Variants in TANGO2 observed in about 807,000 individuals in gnomAD.
TANGO2 encodes the protein transport and Golgi organization protein 2 homolog.
In TANGO2, 26 loss-of-function variants were observed where a neutral mutation model predicts 39.1. The observed-to-expected ratio is 0.67, with a 90% CI of 0.49 to 0.92. The LOEUF (loss-of-function observed/expected upper bound fraction) is 0.92. Ranked by LOEUF, TANGO2 falls within the 40% of genes least tolerant of loss-of-function variation. The pLI is 0.00. For missense variants in TANGO2, 326 were observed against 360.1 expected (o/e 0.91, Z 0.77); for synonymous variants, 131 against 144.5 (o/e 0.91, Z 0.67).
intron 3 of TANGO2, among the ~76,000 whole-genome samples, chr22:20,047,296 C>T (rs148446823): frequency 0.056 from 8,352 of 149,998 alleles, 351 homozygotes; most frequent in African/African-American, 0.095. Flanking sequence ...TGCAATGGCA[C>T]GATCTCGGCT....
intron 2 of TANGO2, among the ~76,000 whole-genome samples, chr22:20,039,218 G>GCCAC (rs1457539993): frequency 6.6e-6 from 1 of 151,286 alleles, no homozygotes; most frequent in Non-Finnish European, 1.5e-5. Flanking sequence ...ACATGCGTGA[G>GCCAC]CCACCATGCC....
intron 1 of TANGO2, among the ~76,000 whole-genome samples, chr22:20,025,237 C>T (rs945133620): frequency 1.1e-4 from 17 of 150,882 alleles, no homozygotes; most frequent in African/African-American, 3.7e-4. Context: ...GGATTACAGG[C>T]GTGCATCACC....
chr22:20,063,521 T>C, intron 8 of TANGO2, 79 bp downstream of exon 8: 1 of 1,282,002 alleles, frequency 7.8e-7, no homozygotes, highest in Non-Finnish European at 1.1e-6. Flanking sequence ...AGAAGCCAAG[T>C]GCCCATAGCC....
intron 7 of TANGO2, 156 bp downstream of exon 7, chr22:20,061,839 C>A: frequency 1.0e-6 from 1 of 970,596 alleles, no homozygotes; most frequent in Middle Eastern, 3.3e-4. Flanking sequence ...CCTGCCTGTC[C>A]CCTTGAGCCA....
chr22:20,059,837 T>C (rs766936159), intron 6 of TANGO2, among the ~76,000 whole-genome samples: 3 of 152,234 alleles, frequency 2.0e-5, no homozygotes, highest in Non-Finnish European at 2.9e-5. Context: ...CTCATGCTTT[T>C]GGTTTCTTAT....
upstream of TANGO2, among the ~76,000 whole-genome samples, chr22:20,018,334 C>T (rs563103854): frequency 1.3e-5 from 2 of 152,348 alleles, no homozygotes; most frequent in Admixed American, 1.3e-4. Flanking sequence ...AACCAGGTAG[C>T]TGTCATCCTG....
At chr22:20,060,060 A>T in intron 6 of TANGO2, among the ~76,000 whole-genome samples, 1 of 151,570 alleles carries the variant, frequency 6.6e-6, no homozygotes, top group East Asian at 1.9e-4. Context: ...GGCTTAAGAG[A>T]TCCTCCCAGC....
At chr22:20,058,635 G>T (rs574505302) in intron 6 of TANGO2, among the ~76,000 whole-genome samples, 2 of 141,282 alleles carry the variant, frequency 1.4e-5, no homozygotes, top group Non-Finnish European at 3.1e-5. Flanking sequence ...GAGTGAGATT[G>T]CATCTCAAAA....
At position 20,050,357 on chromosome 22, in the gene TANGO2, G is replaced by GTTTTTTTT. The variant is rs1491540119; in HGVS notation, c.146-2108_146-2107insTTTTTTTT. ...ATTTTTCATTAAATATTTTCCTGGT[G>GTTTTTTTT]GTTTTTTTTTTTTTTTTTTTTTTTG... On this transcript the variant is annotated intron_variant, in intron 3 of 8. Transcript: ENST00000327374. Among the ~76,000 whole-genome samples, 15 of 69,198 alleles carry GTTTTTTTT rather than the reference G, an allele frequency of 2.2e-4. 4 individuals carry two copies. The highest frequency in any genetic ancestry group is 2.9e-4 in the Non-Finnish European group (11 of 37,886). The allele number at this position is 69,198 out of a possible 152,430, so 45.4% of individuals were successfully genotyped here.
At chr22:20,029,699 TCA>T (rs1393270357) in intron 1 of TANGO2, among the ~76,000 whole-genome samples, 2 of 152,140 alleles carry the variant, frequency 1.3e-5, no homozygotes, top group Non-Finnish European at 2.9e-5. Flanking sequence ...CATGGTGAGC[TCA>T]CAGTGACTGT....
At chr22:20,053,654 C>T (rs1300239825) in intron 5 of TANGO2, 103 bp downstream of exon 5, 5 of 773,318 alleles carry the variant, frequency 6.5e-6, no homozygotes, top group South Asian at 1.4e-5. Context: ...GTGGCAGCCT[C>T]TCCAGGGACG....
At chr22:20,052,869 G>A (rs1034129994) in intron 4 of TANGO2, among the ~76,000 whole-genome samples, 7 of 152,150 alleles carry the variant, frequency 4.6e-5, no homozygotes, top group African/African-American at 1.7e-4. Context: ...TGGCAGGTGG[G>A]TGGCTTCCGT....
At chr22:20,033,332 G>T (rs1368783074) in intron 1 of TANGO2, 4 of 414,548 alleles carry the variant, frequency 9.6e-6, no homozygotes, top group Non-Finnish European at 1.9e-5. Context: ...AGCCCTCCCT[G>T]CCACTGGTGC....
At chr22:20,049,800 C>A (rs1347940826) in intron 3 of TANGO2, among the ~76,000 whole-genome samples, 1 of 152,080 alleles carries the variant, frequency 6.6e-6, no homozygotes, top group East Asian at 1.9e-4. Flanking sequence ...ACGAAAAGCC[C>A]CCTGGGATTT....
At chr22:20,031,456 G>A (rs774863276) in intron 1 of TANGO2, among the ~76,000 whole-genome samples, 9 of 152,186 alleles carry the variant, frequency 5.9e-5, no homozygotes, top group African/African-American at 1.4e-4. Flanking sequence ...GTCGTAGGTC[G>A]GTGGCAGGAC....
intron 2 of TANGO2, among the ~76,000 whole-genome samples, chr22:20,039,871 T>G (rs558234908): frequency 2.5e-5 from 3 of 118,154 alleles, no homozygotes; most frequent in Non-Finnish European, 5.1e-5. Context: ...CCCGAGATGA[T>G]GCACATACCC....
intron 1 of TANGO2, among the ~76,000 whole-genome samples, chr22:20,022,445 A>AC (rs2039899101): frequency 6.6e-6 from 1 of 151,802 alleles, no homozygotes; most frequent in African/African-American, 2.4e-5. Context: ...ACCCCCTTTG[A>AC]CCCCTACACA....
At chr22:20,023,183 G>T (rs2040044236) in intron 1 of TANGO2, among the ~76,000 whole-genome samples, 1 of 152,210 alleles carries the variant, frequency 6.6e-6, no homozygotes, top group Non-Finnish European at 1.5e-5. Flanking sequence ...TGCTCCCCTG[G>T]TGCACTTGCT....
chr22:20,056,106 A>T, intron 6 of TANGO2, 93 bp downstream of exon 6: 1 of 1,037,188 alleles, frequency 9.6e-7, no homozygotes, highest in South Asian at 1.3e-5. Context: ...TTGTCATATT[A>T]CTCTTCTGAG....
Sources: allele counts gnomAD v4.1 joint callset (sites outside exome capture counted in the v4.1 genomes callset), GRCh38; gene constraint gnomAD v4.1.1; transcripts MANE v1.5; gene names NCBI Gene and HGNC (gene_info 2026-07-23, HGNC 2026-07-21).